The following RRM2 variants were observed in gnomAD, a reference collection of about 807,000 sequenced individuals.
RRM2 encodes ribonucleoside-diphosphate reductase subunit M2.
A neutral mutation model predicts 45.9 loss-of-function variants in RRM2; 6 were observed. The ratio of observed to expected loss-of-function variants is 0.13; its 90% CI spans 0.07 to 0.26. The LOEUF is 0.26. Ranked by LOEUF, RRM2 falls within the 10% of genes least tolerant of loss-of-function variation. The pLI is 1.00. For synonymous variants in RRM2, 177 were observed against 173.0 expected (o/e 1.02, Z -0.18); for missense variants, 343 against 489.5 (o/e 0.70, Z 2.82).
intron 7 of RRM2, 27 bp from the exon 8 acceptor site, chr2:10,128,821 T>G (rs1248475717): frequency 6.7e-7 from 1 of 1,503,236 alleles, no homozygotes; most frequent in Admixed American, 1.7e-5. Flanking sequence ...TCTTCTGGCT[T>G]TAGTGATCTT....
downstream of RRM2, among the ~76,000 whole-genome samples, chr2:10,133,993 A>G (rs1662947136): frequency 6.6e-6 from 1 of 151,958 alleles, no homozygotes; most frequent in African/African-American, 2.4e-5. Flanking sequence ...AGCCTGGCCA[A>G]CATGGTGAGA....
rs1358250641 is a variant in RRM2 at position 10,129,583 on chromosome 2, C to T, written c.*197C>T. The T allele has an allele frequency of 3.3e-6, 2 of 607,554 alleles. No homozygotes were observed. Among genetic ancestry groups the T allele is most frequent in the Admixed American group, 3.3e-5 (1 of 30,066 alleles). 37.6% of individuals were successfully genotyped at this position (607,554 alleles called of 1,614,324 possible). A position where few individuals can be genotyped will look rare whatever the true frequency, so the allele number is the denominator to read the frequency against. ...GTAGTATCACCTTTTGCCAGAAGGC[C>T]TGGCTGGCTGTGACTTACCATAGCA... On this transcript the variant is annotated 3_prime_UTR_variant, in exon 10 of 10. Coordinates refer to ENST00000304567, the MANE Select transcript of RRM2 (RefSeq NM_001034.4). This position sits in a 1 kb window ranked among gnomAD's most constrained non-coding sequence, Gnocchi z 4.8.
intron 3 of RRM2, among the ~76,000 whole-genome samples, chr2:10,203,760 A>AATAAATAC (rs112744186): frequency 0.043 from 6,490 of 150,078 alleles, 196 homozygotes; most frequent in East Asian, 0.1. Context: ...CACAAAAATA[A>AATAAATAC]ATACATACAT....
chr2:10,194,828 G>A (rs1336349915), intron 3 of RRM2, among the ~76,000 whole-genome samples: 1 of 152,228 alleles, frequency 6.6e-6, no homozygotes, highest in East Asian at 1.9e-4. Flanking sequence ...CTTGGTCACA[G>A]CCGCCCCCTG....
intron 3 of RRM2, among the ~76,000 whole-genome samples, chr2:10,183,270 TGGGCCTAA>T (rs969347935): frequency 1.3e-5 from 2 of 152,224 alleles, no homozygotes; most frequent in Non-Finnish European, 2.9e-5. Flanking sequence ...TAGCCACATC[TGGGCCTAA>T]GGATTTTATG....
chr2:10,204,854 C>T lies in RRM2; in HGVS notation n.483-5457C>T, dbSNP rs755063729. Among the ~76,000 whole-genome samples the T allele has an allele frequency of 5.3e-5, 8 of 152,172 alleles. No homozygotes were observed. Among genetic ancestry groups the T allele is most frequent in the South Asian group, 2.1e-4 (1 of 4,822 alleles). On this transcript the variant is annotated intron_variant and non_coding_transcript_variant, in intron 3 of 3. Transcript: ENST00000381786. This position sits in a 1 kb window ranked among gnomAD's most constrained non-coding sequence, Gnocchi z 4.0. Reference sequence around the variant, plus strand: ...CCCGTCCTGATGTGGTCAGAGATGTCGTCATGTGCCACTAACAGGCGTCGC... The same window carrying T: ...CCCGTCCTGATGTGGTCAGAGATGTTGTCATGTGCCACTAACAGGCGTCGC...
chr2:10,209,774 A>G (rs145710897), intron 3 of RRM2, among the ~76,000 whole-genome samples: 1,574 of 152,306 alleles, frequency 0.01, 35 homozygotes, highest in African/African-American at 0.035. Flanking sequence ...CCAGAGACGG[A>G]TACAATCTGG....
chr2:10,202,234 A>G (rs2125333909), intron 3 of RRM2, among the ~76,000 whole-genome samples: 1 of 152,302 alleles, frequency 6.6e-6, no homozygotes, highest in African/African-American at 2.4e-5. Context: ...TTAACCTTTC[A>G]AACTTGGCAA....
chr2:10,125,533 G>A (rs1256574893), intron 5 of RRM2, among the ~76,000 whole-genome samples: 1 of 152,118 alleles, frequency 6.6e-6, no homozygotes, highest in East Asian at 1.9e-4. Context: ...GTGAAACCCC[G>A]TCTCTACTAA....
intron 3 of RRM2, among the ~76,000 whole-genome samples, chr2:10,194,760 C>T (rs1664378940): frequency 6.6e-6 from 1 of 152,230 alleles, no homozygotes; most frequent in Non-Finnish European, 1.5e-5. Flanking sequence ...CCAGACTTTG[C>T]CCTCTGACCA....
At chr2:10,124,961 C>A in intron 5 of RRM2, 111 bp downstream of exon 5, 2 of 995,618 alleles carry the variant, frequency 2.0e-6, no homozygotes, top group Non-Finnish European at 2.9e-6. Flanking sequence ...CTAAGACAGT[C>A]ATAGGCATTC....
intron 3 of RRM2, among the ~76,000 whole-genome samples, chr2:10,199,793 A>ACAAAAC (rs202208894): frequency 7.3e-5 from 10 of 137,010 alleles, no homozygotes; most frequent in Non-Finnish European, 1.6e-4. Flanking sequence ...AAAAAAAAAA[A>ACAAAAC]AAAAAAAAAA....
At chr2:10,136,840 C>T (rs1173753002), upstream of RRM2, among the ~76,000 whole-genome samples, 3 of 152,260 alleles carry the variant, frequency 2.0e-5, no homozygotes, top group East Asian at 3.9e-4. Context: ...CCATGAGCCA[C>T]ACTTTAAGGC....
rs1036014602 is a variant in RRM2, at chr2:10,204,531, C to T, written n.483-5780C>T. On this transcript the variant is annotated intron_variant and non_coding_transcript_variant, in intron 3 of 3. Transcript: ENST00000381786. This position sits in a 1 kb window ranked among gnomAD's most constrained non-coding sequence, Gnocchi z 4.0. Reference sequence around the variant, plus strand: ...CTTCTGTGGTCACTGGCTGTGACCCCGCCAGCCCTGCTCAGCGCTGTGCCC... The same window carrying T: ...CTTCTGTGGTCACTGGCTGTGACCCTGCCAGCCCTGCTCAGCGCTGTGCCC... Among the ~76,000 whole-genome samples, 6 of 152,192 alleles carry T rather than the reference C, an allele frequency of 3.9e-5. No individual in the cohort carries two copies. Among genetic ancestry groups the T allele is most frequent in the East Asian group, 1.9e-4 (1 of 5,182 alleles).
chr2:10,201,389 A>G (rs1664568239), intron 3 of RRM2, among the ~76,000 whole-genome samples: 1 of 152,194 alleles, frequency 6.6e-6, no homozygotes, highest in Non-Finnish European at 1.5e-5. Flanking sequence ...AAGGACCAAC[A>G]ATATTCCGAG....
At chr2:10,122,694 GC>G, upstream of RRM2, 3 of 1,550,840 alleles carry the variant, frequency 1.9e-6, no homozygotes, top group Non-Finnish European at 2.6e-6. Flanking sequence ...GGCCGGGAGC[GC>G]GCGGCGCGGG....
rs147179129 is a variant in RRM2 at position 10,164,089 on chromosome 2, A to AGT, written n.482+21726_482+21727dup. Among the ~76,000 whole-genome samples the AGT allele has an allele frequency of 9.8e-3, 1,478 of 151,446 alleles. 31 individuals carry two copies. Among genetic ancestry groups the AGT allele is most frequent in the African/African-American group, 0.034 (1,399 of 41,314 alleles). ...GAACGTGTGTGTGAGTGTGCATATGAGTGTGTGTGTGTGGCTGTGTTGGAT... is the reference window on the plus strand; with the variant it reads ...GAACGTGTGTGTGAGTGTGCATATGAGTGTGTGTGTGTGTGGCTGTGTTGGAT... On this transcript the variant is annotated intron_variant and non_coding_transcript_variant, in intron 3 of 3. Transcript: ENST00000381786.
At chr2:10,126,812 A>C in intron 5 of RRM2, 63 bp from the exon 6 acceptor site, 1 of 1,232,896 alleles carries the variant, frequency 8.1e-7, no homozygotes, top group South Asian at 1.3e-5. Flanking sequence ...CTTATCTAGC[A>C]GTTGGTAATC....
At chr2:10,187,815 G>A (rs1224403884) in intron 3 of RRM2, among the ~76,000 whole-genome samples, 2 of 152,236 alleles carry the variant, frequency 1.3e-5, no homozygotes, top group Non-Finnish European at 2.9e-5. Flanking sequence ...AGAGGAAGGC[G>A]AGGAGAGCCA....
Sources: gnomAD v4.1 joint callset for allele counts (sites outside exome capture counted in the v4.1 genomes callset) on GRCh38, gnomAD v4.1.1 for gene constraint, Gnocchi (gnomAD v3.1) non-coding constraint, MANE v1.5 for transcripts, NCBI Gene and HGNC (gene_info 2026-07-23, HGNC 2026-07-21) for gene names.